The following CFLAR variants were observed in gnomAD, a reference collection of about 807,000 sequenced individuals.
The protein encoded by CFLAR is CASP8 and FADD-like apoptosis regulator.
CFLAR carries 14 observed loss-of-function variants against 51.1 expected under a neutral mutation model. The ratio of observed to expected loss-of-function variants is 0.27; its 90% CI spans 0.18 to 0.43. The LOEUF (loss-of-function observed/expected upper bound fraction) is 0.43. CFLAR is among the 20% of genes least tolerant of loss of function. The probability of loss-of-function intolerance (pLI) is 1.00; values close to 1 mark genes in which losing one functional copy is unlikely to be tolerated. For missense variants in CFLAR, 390 were observed against 566.5 expected, an observed-to-expected ratio of 0.69 and a Z score of 3.16; for synonymous variants, 210 against 211.6, an observed-to-expected ratio of 0.99 and a Z score of 0.06.
At chr2:201,122,318 T>C (rs796398555) in intron 1 of CFLAR, among the ~76,000 whole-genome samples, 34 of 152,364 alleles carry the variant, frequency 2.2e-4, no homozygotes, top group African/African-American at 7.7e-4. Flanking sequence ...AGCATTAGCA[T>C]TGTTATCTCA....
In CFLAR at chr2:201,129,923, A is replaced by G. The variant is rs770415919; in HGVS notation, c.58A>G (p.Met20Val). Residue 20 changes from methionine (M) to valine (V), a missense_variant, in exon 2 of 10, where the codon ATG becomes GTG. Met to Val is a conservative substitution (Grantham distance 21). Around this residue, in one of 2 missense-constraint regions of CFLAR, gnomAD observed 103 missense variants for 202.9 expected, o/e 0.51. Transcript: ENST00000309955. ...EEALDTDEKE[M>V]LLFLCRDVAI... is the part of the protein sequence containing the mutation. Reference sequence around the variant, plus strand: ...AGCACTTGATACAGATGAGAAGGAGATGCTGCTCTTTTTGTGCCGGGATGT... The same window carrying G: ...AGCACTTGATACAGATGAGAAGGAGGTGCTGCTCTTTTTGTGCCGGGATGT... 6 of 1,614,146 alleles carry G rather than the reference A, an allele frequency of 3.7e-6. No individual in the cohort carries two copies. The highest frequency in any genetic ancestry group is 5.1e-6 in the Non-Finnish European group (6 of 1,180,030).
chr2:201,131,275 A>G (rs2049285419), intron 2 of CFLAR, among the ~76,000 whole-genome samples: 1 of 151,994 alleles, frequency 6.6e-6, no homozygotes, highest in African/African-American at 2.4e-5. Context: ...CTCGCTCTGC[A>G]GCCCAGGCTG....
chr2:201,129,701 T>A (rs2049057494), intron 1 of CFLAR, 28 bp from the exon 2 acceptor site: 1 of 643,858 alleles, frequency 1.6e-6, no homozygotes, highest in African/African-American at 1.8e-5. Flanking sequence ...TTGATAAGAT[T>A]TTCAGAAAAA....
intron 6 of CFLAR, 144 bp from the exon 7 acceptor site, chr2:201,148,859 G>A (rs1234306114): frequency 3.3e-6 from 2 of 607,126 alleles, no homozygotes; most frequent in East Asian, 2.8e-5. Context: ...TGAAACCTTG[G>A]GGCCAAGTAT....
In CFLAR at chr2:201,149,160, T is replaced by A. The variant is rs557037928; in HGVS notation, c.711+108T>A. The A allele has an allele frequency of 6.7e-4, 480 of 717,886 alleles. 7 individuals carry two copies. In the South Asian group the frequency reaches 7.7e-3, roughly 11 times the overall value. 44.5% of individuals were successfully genotyped at this position (717,886 alleles called of 1,614,324 possible). On this transcript the variant is annotated intron_variant, in intron 7 of 9. Transcript: ENST00000309955. ...AGAATTCTTTGAGACAGTGGGACTC[T>A]GAGAGTGTTGTTCTCCTGAGAACTT...
chr2:201,145,663 CGTAT>C (rs1939990416), intron 6 of CFLAR: 1 of 456,936 alleles, frequency 2.2e-6, no homozygotes, highest in Non-Finnish European at 3.9e-6. Flanking sequence ...TCATCTTGGC[CGTAT>C]GTTAAGAGAT....
intron 8 of CFLAR, chr2:201,153,348 A>G (rs761373231): frequency 2.0e-5 from 3 of 152,288 alleles, no homozygotes; most frequent in African/African-American, 4.8e-5. Context: ...TTAATTATTA[A>G]GAAGTGGAAA....
rs907776968 is a variant in CFLAR at position 201,170,754 on chromosome 2, A to G, written c.*6781A>G. On this transcript the variant is annotated 3_prime_UTR_variant, in exon 10 of 10. Coordinates refer to ENST00000309955, the MANE Select transcript of CFLAR (RefSeq NM_003879.7). ...TTTTACATGATTGGAATCATAATGCATATTCCATTTTGAAGTCTGCTTTTT... is the reference window on the plus strand; with the variant it reads ...TTTTACATGATTGGAATCATAATGCGTATTCCATTTTGAAGTCTGCTTTTT... The G allele has an allele frequency of 5.9e-5, 9 of 152,212 alleles. No individual in the cohort carries two copies. Among genetic ancestry groups the G allele is most frequent in the East Asian group, 5.8e-4 (3 of 5,200 alleles). The allele number at this position is 152,212 out of a possible 1,614,324, so 9.4% of individuals were successfully genotyped here. A position where few individuals can be genotyped will look rare whatever the true frequency, so the allele number is the denominator to read the frequency against.
chr2:201,157,876 C>T (rs778139623), intron 8 of CFLAR: 3 of 152,222 alleles, frequency 2.0e-5, no homozygotes, highest in African/African-American at 7.2e-5. Flanking sequence ...AAAATTGTGA[C>T]GTTAATGGGA....
intron 1 of CFLAR, among the ~76,000 whole-genome samples, chr2:201,125,636 T>TGGG (rs1575610630): frequency 6.6e-6 from 1 of 151,836 alleles, no homozygotes; most frequent in East Asian, 1.9e-4. Context: ...GAAATGGCAC[T>TGGG]GGGGGTGGTG....
intron 1 of CFLAR, among the ~76,000 whole-genome samples, chr2:201,121,091 T>A (rs2048149942): frequency 6.6e-6 from 1 of 152,190 alleles, no homozygotes; most frequent in South Asian, 2.1e-4. Context: ...ACCCAAAACC[T>A]TGGCCATGGT....
chr2:201,130,187 G>GCA, intron 2 of CFLAR, 41 bp downstream of exon 2: 18 of 292,388 alleles, frequency 6.2e-5, no homozygotes, highest in Non-Finnish European at 9.3e-5. Flanking sequence ...GGGTGGGAGG[G>GCA]AGTGAAGTGT....
In CFLAR at chr2:201,170,771, C is replaced by T. The variant is rs559061058; in HGVS notation, c.*6798C>T. 3 of 152,252 alleles carry T rather than the reference C, an allele frequency of 2.0e-5. No homozygotes were observed. The highest frequency in any genetic ancestry group is 7.2e-5 in the African/African-American group (3 of 41,536). 9.4% of individuals were successfully genotyped at this position (152,252 alleles called of 1,614,324 possible). ...CATAATGCATATTCCATTTTGAAGT[C>T]TGCTTTTTTTTACACAAAAATATGT... is the stretch of plus-strand genomic sequence containing the variant. On this transcript the variant is annotated 3_prime_UTR_variant, in exon 10 of 10. Transcript: ENST00000309955.
chr2:201,135,486 A>AG (rs2125708565), intron 3 of CFLAR, among the ~76,000 whole-genome samples: 1 of 152,200 alleles, frequency 6.6e-6, no homozygotes, highest in East Asian at 1.9e-4. Context: ...CTCTGTTCTG[A>AG]GTAAAAATCA....
chr2:201,122,267 G>A (rs1346181737), intron 1 of CFLAR, among the ~76,000 whole-genome samples: 2 of 152,170 alleles, frequency 1.3e-5, no homozygotes, highest in Non-Finnish European at 2.9e-5. Flanking sequence ...TTGCATGGGG[G>A]CTTACCCATC....
Position 201,138,319 on chromosome 2 carries a change from T to A in CFLAR, c.524-2038T>A, listed in dbSNP as rs372118406. The A allele has an allele frequency of 1.9e-5, 15 of 771,922 alleles. No individual in the cohort carries two copies. Among genetic ancestry groups the A allele is most frequent in the East Asian group, 1.2e-4 (5 of 40,882 alleles). The allele number at this position is 771,922 out of a possible 1,614,324, so 47.8% of individuals were successfully genotyped here. On this transcript the variant is annotated intron_variant, in intron 4 of 9. Transcript: ENST00000309955. The surrounding 1 kb of genome is among the most constrained non-coding windows in gnomAD (Gnocchi z 4.0). ...TGTCATCCTCATGGGTACCCACAGC[T>A]GCCCCGCCCAGCAGCTGCTCATGGG...
rs770917702 is a variant in CFLAR, at chr2:201,164,024, G to A, written c.*51G>A. ...CTCACACCTGTAATCCCAGCACTTT[G>A]GGAGGCCAAGGAGGGCAGATCACTT... On this transcript the variant is annotated 3_prime_UTR_variant, in exon 10 of 10. Coordinates refer to ENST00000309955, the MANE Select transcript of CFLAR (RefSeq NM_003879.7). The A allele has an allele frequency of 9.9e-6, 15 of 1,519,954 alleles. No individual in the cohort carries two copies. Among genetic ancestry groups the A allele is most frequent in the Non-Finnish European group, 1.1e-5 (12 of 1,115,950 alleles). The allele number at this position is 1,519,954 out of a possible 1,614,324, so 94.2% of individuals were successfully genotyped here.
intron 3 of CFLAR, among the ~76,000 whole-genome samples, chr2:201,133,928 CAAAAAAAAA>C (rs1267307823): frequency 2.0e-5 from 1 of 49,838 alleles, no homozygotes; most frequent in Non-Finnish European, 3.7e-5. Context: ...GACTCCATCT[CAAAAAAAAA>C]AAAAAAAAAA....
chr2:201,146,573 C>T (rs1462002865), intron 6 of CFLAR: 2 of 152,344 alleles, frequency 1.3e-5, no homozygotes, highest in African/African-American at 2.4e-5. Flanking sequence ...TGAGCCACTG[C>T]ACCCAGCAAA....
Sources: allele counts gnomAD v4.1 joint callset (sites outside exome capture counted in the v4.1 genomes callset), GRCh38; gene constraint gnomAD v4.1.1; regional missense constraint gnomAD v4.1.1; non-coding constraint Gnocchi (gnomAD v3.1); transcripts MANE v1.5; gene names NCBI Gene and HGNC (gene_info 2026-07-23, HGNC 2026-07-21).